KSR2: variants seen among roughly 807,000 people sequenced by gnomAD.
KSR2 encodes kinase suppressor of ras 2.
In KSR2, 25 loss-of-function variants were observed where a neutral mutation model predicts 107.8. That is an observed-to-expected ratio of 0.23 (90% CI 0.17 to 0.32). KSR2 has a LOEUF of 0.32. Among genes scored for constraint, KSR2 ranks in the 10% least tolerant of loss-of-function variants. KSR2 has a pLI of 1.00. For synonymous variants in KSR2, 480 were observed against 507.0 expected (o/e 0.95, Z 0.71); for missense variants, 887 against 1,268.9 (o/e 0.70, Z 4.57).
At chr12:117,470,162 T>A (rs1470288940) in intron 18 of KSR2, among the ~76,000 whole-genome samples, 2 of 150,568 alleles carry the variant, frequency 1.3e-5, no homozygotes. Flanking sequence ...CCCATCTATG[T>A]CAATTCACTC....
intron 4 of KSR2, among the ~76,000 whole-genome samples, chr12:117,690,037 T>G (rs1885748608): frequency 6.6e-6 from 1 of 150,550 alleles, no homozygotes; most frequent in African/African-American, 2.4e-5. Flanking sequence ...GAAGAATGAA[T>G]GGAGGGAGGG....
At chr12:117,964,626 G>T (rs1896741505) in intron 1 of KSR2, among the ~76,000 whole-genome samples, 1 of 152,126 alleles carries the variant, frequency 6.6e-6, no homozygotes, top group African/African-American at 2.4e-5. Context: ...CATCACAGCT[G>T]TCATTCATTT....
At chr12:117,833,845 A>T (rs888826557) in intron 3 of KSR2, among the ~76,000 whole-genome samples, 3 of 152,078 alleles carry the variant, frequency 2.0e-5, no homozygotes, top group Non-Finnish European at 4.4e-5. Context: ...AAAAAATCAC[A>T]GTATCTTGTC....
intron 3 of KSR2, among the ~76,000 whole-genome samples, chr12:117,778,227 A>G (rs773140323): frequency 6.6e-6 from 1 of 152,016 alleles, no homozygotes; most frequent in Non-Finnish European, 1.5e-5. Context: ...AGTAGCTGGG[A>G]TTACAGGTGT....
chr12:117,878,116 G>A (rs897566259), intron 1 of KSR2, among the ~76,000 whole-genome samples: 1 of 147,108 alleles, frequency 6.8e-6, no homozygotes, highest in Non-Finnish European at 1.5e-5. Context: ...GAGAAGCAAG[G>A]GGCAAAATAA....
intron 1 of KSR2, among the ~76,000 whole-genome samples, chr12:117,923,481 G>A (rs1895407518): frequency 6.6e-6 from 1 of 152,104 alleles, no homozygotes; most frequent in Non-Finnish European, 1.5e-5. Context: ...GAGGCCAGGA[G>A]TTCAAGACCC....
intron 9 of KSR2, 92 bp downstream of exon 9, chr12:117,555,077 G>T: frequency 6.7e-7 from 1 of 1,487,086 alleles, no homozygotes; most frequent in Non-Finnish European, 9.3e-7. Context: ...AGGAGGGAGC[G>T]CCATACTCCC....
At chr12:117,574,772 A>G (rs1231554166) in intron 7 of KSR2, among the ~76,000 whole-genome samples, 4 of 151,960 alleles carry the variant, frequency 2.6e-5, no homozygotes, top group Non-Finnish European at 1.5e-5. Flanking sequence ...ATTTCTAGCC[A>G]GGTGTCAGGT....
At chr12:117,817,964 G>T (rs1280261212) in intron 3 of KSR2, among the ~76,000 whole-genome samples, 1 of 152,146 alleles carries the variant, frequency 6.6e-6, no homozygotes, top group East Asian at 1.9e-4. Flanking sequence ...AGCCAGGCGT[G>T]GTGGTGCATG....
chr12:117,561,495 A>G (rs922503447), intron 7 of KSR2, among the ~76,000 whole-genome samples: 1 of 152,220 alleles, frequency 6.6e-6, no homozygotes, highest in African/African-American at 2.4e-5. Flanking sequence ...TCAAATTTGG[A>G]TAACTTACCT....
chr12:117,551,835 A>C (rs1877334060), intron 9 of KSR2, among the ~76,000 whole-genome samples: 1 of 152,138 alleles, frequency 6.6e-6, no homozygotes, highest in Non-Finnish European at 1.5e-5. Context: ...AGGTTAATTT[A>C]TTTCCCTTAT....
intron 1 of KSR2, among the ~76,000 whole-genome samples, chr12:117,915,813 A>G (rs2137442330): frequency 6.6e-6 from 1 of 152,276 alleles, no homozygotes; most frequent in East Asian, 1.9e-4. Flanking sequence ...AAATTTTAAA[A>G]GTTAGTTGGG....
At chr12:117,490,426 C>A (rs1872687653) in intron 14 of KSR2, among the ~76,000 whole-genome samples, 1 of 152,188 alleles carries the variant, frequency 6.6e-6, no homozygotes, top group Admixed American at 6.5e-5. Context: ...AAGAGTCTTA[C>A]AAAGTGGGTA....
chr12:117,942,626 T>C (rs1383055344), intron 1 of KSR2, among the ~76,000 whole-genome samples: 2 of 151,282 alleles, frequency 1.3e-5, no homozygotes, highest in Non-Finnish European at 2.9e-5. Flanking sequence ...GTAACTGGGA[T>C]TTCAGGTGCA....
At position 117,460,288 on chromosome 12, in the gene KSR2, G is replaced by A. The variant is rs1479997612; in HGVS notation, c.*6911C>T. On this transcript the variant is annotated 3_prime_UTR_variant, in exon 20 of 20. Coordinates refer to ENST00000339824, the MANE Select transcript of KSR2 (RefSeq NM_173598.6). ...GAATCCTTCATATTCTTGGTGTTAG[G>A]AAATGGGAGCTGCATGATCCCAATG... 6.6e-6 allele frequency: 1 copy of A among 152,194 alleles called. No homozygotes were observed. Among genetic ancestry groups the A allele is most frequent in the African/African-American group, 2.4e-5 (1 of 41,432 alleles). The allele number at this position is 152,194 out of a possible 1,614,324, so 9.4% of individuals were successfully genotyped here.
At chr12:117,576,936 A>G (rs1444459744) in intron 7 of KSR2, among the ~76,000 whole-genome samples, 1 of 152,170 alleles carries the variant, frequency 6.6e-6, no homozygotes, top group East Asian at 1.9e-4. Context: ...GATTACAGGC[A>G]TGAGACTCTG....
intron 5 of KSR2, among the ~76,000 whole-genome samples, chr12:117,643,385 TG>T (rs1883470058): frequency 6.6e-6 from 1 of 152,160 alleles, no homozygotes; most frequent in African/African-American, 2.4e-5. Context: ...AAGCGGAGGC[TG>T]CAGTGAGCCA....
intron 14 of KSR2, among the ~76,000 whole-genome samples, chr12:117,519,559 G>A (rs1428433789): frequency 6.6e-6 from 1 of 152,156 alleles, no homozygotes; most frequent in Non-Finnish European, 1.5e-5. Flanking sequence ...TTTGGGGAGT[G>A]GGGAAGGGGG....
chr12:117,965,677 T>C (rs1401758046), intron 1 of KSR2, among the ~76,000 whole-genome samples: 1 of 152,230 alleles, frequency 6.6e-6, no homozygotes, highest in Admixed American at 6.5e-5. Flanking sequence ...TTTCTCCTAA[T>C]GGTTTAGCAT....
Sources: gnomAD v4.1 joint callset for allele counts (sites outside exome capture counted in the v4.1 genomes callset) on GRCh38, gnomAD v4.1.1 for gene constraint, MANE v1.5 for transcripts, NCBI Gene and HGNC (gene_info 2026-07-23, HGNC 2026-07-21) for gene names.